The following MLLT3 variants were observed in gnomAD, a reference collection of about 807,000 sequenced individuals.
The protein encoded by MLLT3 is MLLT3 super elongation complex subunit.
MLLT3 carries 4 observed loss-of-function variants against 53.2 expected under a neutral mutation model. That is an observed-to-expected ratio of 0.08 (90% CI 0.04 to 0.17). MLLT3 has a LOEUF of 0.17. MLLT3 is among the 10% of genes least tolerant of loss of function. MLLT3 has a pLI of 1.00. For synonymous variants in MLLT3, 283 were observed against 230.6 expected, an observed-to-expected ratio of 1.23 and a Z score of -2.06; for missense variants, 569 against 684.0, an observed-to-expected ratio of 0.83 and a Z score of 1.87.
chr9:20,421,243 A>G (rs1423922141), intron 4 of MLLT3, among the ~76,000 whole-genome samples: 1 of 152,134 alleles, frequency 6.6e-6, no homozygotes, highest in African/African-American at 2.4e-5. Flanking sequence ...CAGCCTGGGC[A>G]ATAGAGCAAG....
At chr9:20,603,252 C>A (rs1015286811) in intron 2 of MLLT3, among the ~76,000 whole-genome samples, 2 of 152,030 alleles carry the variant, frequency 1.3e-5, no homozygotes, top group African/African-American at 4.8e-5. Context: ...AATAAGCCAA[C>A]TCTTATAAGT....
intron 2 of MLLT3, among the ~76,000 whole-genome samples, chr9:20,525,355 G>A (rs1818174579): frequency 6.6e-6 from 1 of 152,082 alleles, no homozygotes; most frequent in South Asian, 2.1e-4. Flanking sequence ...AAATTACCGA[G>A]TGTGGTGGCG....
chr9:20,539,858 G>A (rs1818580922), intron 2 of MLLT3, among the ~76,000 whole-genome samples: 1 of 152,106 alleles, frequency 6.6e-6, no homozygotes, highest in Non-Finnish European at 1.5e-5. Context: ...CTGAGATAAG[G>A]CAAGTCCCTT....
intron 2 of MLLT3, among the ~76,000 whole-genome samples, chr9:20,552,160 G>C (rs1471075888): frequency 6.6e-6 from 1 of 152,188 alleles, no homozygotes; most frequent in African/African-American, 2.4e-5. Context: ...GTGAGCAACA[G>C]TAGCAAAGAT....
chr9:20,483,005 T>G (rs749690480), intron 2 of MLLT3, among the ~76,000 whole-genome samples: 1 of 152,072 alleles, frequency 6.6e-6, no homozygotes, highest in African/African-American at 2.4e-5. Context: ...CAGTACTACT[T>G]ACATGCTAAG....
intron 3 of MLLT3, among the ~76,000 whole-genome samples, chr9:20,449,003 C>T (rs1227090407): frequency 5.9e-5 from 9 of 152,122 alleles, no homozygotes; most frequent in Non-Finnish European, 1.3e-4. Flanking sequence ...GCATTACTAC[C>T]TTCACTGCCT....
chr9:20,465,217 T>C (rs1421085443), intron 2 of MLLT3, among the ~76,000 whole-genome samples: 1 of 151,986 alleles, frequency 6.6e-6, no homozygotes, highest in East Asian at 1.9e-4. Context: ...AAAAATTACA[T>C]GGTTCAGGAG....
intron 5 of MLLT3, among the ~76,000 whole-genome samples, chr9:20,394,707 A>G (rs1181879713): frequency 6.6e-6 from 1 of 152,170 alleles, no homozygotes; most frequent in Non-Finnish European, 1.5e-5. Context: ...TGGCTGTAAG[A>G]TACACTTTGT....
intron 7 of MLLT3, chr9:20,362,882 A>C (rs951029284): frequency 1.3e-5 from 2 of 152,184 alleles, no homozygotes; most frequent in Non-Finnish European, 2.9e-5. Context: ...CTTCATGATA[A>C]AGAAATAAAA....
At chr9:20,538,562 C>T (rs1041399517) in intron 2 of MLLT3, among the ~76,000 whole-genome samples, 2 of 152,042 alleles carry the variant, frequency 1.3e-5, no homozygotes, top group African/African-American at 2.4e-5. Context: ...AAAGTAAATT[C>T]GTATACCAAA....
In MLLT3 at chr9:20,456,770, A is replaced by G. The variant is rs772326559; in HGVS notation, c.210T>C (p.Pro70=). 7.5e-6 allele frequency: 12 copies of G among 1,600,682 alleles called. No homozygotes were observed. The highest frequency in any genetic ancestry group is 2.2e-5 in the East Asian group (1 of 44,506). ...CATACCCAGATTCTTCTACTTTGTAAGGTGGATCTTTGCACACTGCAACAT... is the reference window on the plus strand; with the variant it reads ...CATACCCAGATTCTTCTACTTTGTAGGGTGGATCTTTGCACACTGCAACAT... The part of the protein sequence containing the change: ...PRPKRVCKDP[P]YKVEESGYAG... The change falls in exon 3 of 11, where the codon CCT becomes CCC. Residue 70 remains proline, a synonymous_variant. Transcript: ENST00000380338.
chr9:20,478,456 C>T (rs1824580592), intron 2 of MLLT3, among the ~76,000 whole-genome samples: 2 of 151,968 alleles, frequency 1.3e-5, no homozygotes, highest in African/African-American at 4.8e-5. Flanking sequence ...TGAAAGTAAG[C>T]CAGAAATATA....
intron 2 of MLLT3, among the ~76,000 whole-genome samples, chr9:20,473,710 T>C (rs1437562265): frequency 6.6e-6 from 1 of 151,988 alleles, no homozygotes; most frequent in East Asian, 1.9e-4. Context: ...GTCACTGCTA[T>C]GAAAACCATT....
At chr9:20,465,629 A>C (rs1824220110) in intron 2 of MLLT3, among the ~76,000 whole-genome samples, 1 of 152,058 alleles carries the variant, frequency 6.6e-6, no homozygotes, top group Non-Finnish European at 1.5e-5. Flanking sequence ...AAACACCAAA[A>C]CGTGATGGCT....
intron 2 of MLLT3, among the ~76,000 whole-genome samples, chr9:20,499,044 T>G (rs534077747): frequency 1.1e-4 from 17 of 152,182 alleles, no homozygotes; most frequent in Non-Finnish European, 2.5e-4. Context: ...CTTCCTTGAC[T>G]CTCCTAGCTT....
At chr9:20,533,495 T>C (rs553959062) in intron 2 of MLLT3, among the ~76,000 whole-genome samples, 2 of 152,330 alleles carry the variant, frequency 1.3e-5, no homozygotes, top group East Asian at 3.9e-4. Context: ...GAAAATAGTA[T>C]GGAGGTTCCT....
At chr9:20,602,952 T>A (rs888883754) in intron 2 of MLLT3, among the ~76,000 whole-genome samples, 1 of 152,076 alleles carries the variant, frequency 6.6e-6, no homozygotes, top group African/African-American at 2.4e-5. Flanking sequence ...TTCCACAAAT[T>A]CAGTAGTTGG....
At chr9:20,467,236 C>A (rs1266831485) in intron 2 of MLLT3, among the ~76,000 whole-genome samples, 2 of 152,066 alleles carry the variant, frequency 1.3e-5, no homozygotes, top group African/African-American at 4.8e-5. Context: ...TCGCCTCAGC[C>A]TATCAACTAG....
At chr9:20,564,908 A>C (rs1819309489) in intron 2 of MLLT3, among the ~76,000 whole-genome samples, 1 of 152,170 alleles carries the variant, frequency 6.6e-6, no homozygotes, top group Non-Finnish European at 1.5e-5. Flanking sequence ...TTTTGTAGTC[A>C]GGGGAGAAAT....
Sources: gnomAD v4.1 joint callset for allele counts (sites outside exome capture counted in the v4.1 genomes callset) on GRCh38, gnomAD v4.1.1 for gene constraint, MANE v1.5 for transcripts, NCBI Gene and HGNC (gene_info 2026-07-23, HGNC 2026-07-21) for gene names.